Variants in VWA3B observed in about 807,000 individuals in gnomAD.
VWA3B encodes von Willebrand factor A domain containing 3B.
In VWA3B, 138 loss-of-function variants were observed where a neutral mutation model predicts 158.3. The observed-to-expected ratio is 0.87, with a 90% CI of 0.76 to 1.00. VWA3B has a LOEUF of 1.00. Ranked by LOEUF, VWA3B falls within the 50% of genes least tolerant of loss-of-function variation. VWA3B has a pLI of 0.00. For missense variants in VWA3B, 1,555 were observed against 1,565.1 expected, an observed-to-expected ratio of 0.99 and a Z score of 0.11; for synonymous variants, 596 against 587.3, an observed-to-expected ratio of 1.01 and a Z score of -0.21.
intron 5 of VWA3B, among the ~76,000 whole-genome samples, chr2:98,126,308 G>A (rs980342799): frequency 1.3e-5 from 2 of 152,184 alleles, no homozygotes; most frequent in African/African-American, 4.8e-5. Flanking sequence ...TGCATTGGAC[G>A]TGTGTGGTGT....
intron 6 of VWA3B, among the ~76,000 whole-genome samples, chr2:98,130,601 T>C (rs1573852996): frequency 6.6e-6 from 1 of 152,234 alleles, no homozygotes; most frequent in African/African-American, 2.4e-5. Flanking sequence ...TTAACGAGCA[T>C]GCTGCCTTCA....
chr2:98,169,714 TCTG>T (rs1573970433), intron 8 of VWA3B, among the ~76,000 whole-genome samples: 1 of 119,768 alleles, frequency 8.3e-6, no homozygotes, highest in East Asian at 2.2e-4. Flanking sequence ...ACCTGGGCAT[TCTG>T]TGTGTGTGTG....
intron 23 of VWA3B, among the ~76,000 whole-genome samples, chr2:98,295,921 A>C (rs1252664538): frequency 6.6e-6 from 1 of 152,236 alleles, no homozygotes; most frequent in Non-Finnish European, 1.5e-5. Flanking sequence ...CCTCGAGGCC[A>C]GGTTGAAGCC....
rs187031372 is a variant in VWA3B, at chr2:98,092,381, A to G, written c.-32-680A>G. 1.0e-3 allele frequency among the ~76,000 whole-genome samples: 157 copies of G among 152,342 alleles called. 1 individual carries two copies. Among genetic ancestry groups the G allele is most frequent in the Non-Finnish European group, 1.7e-3 (119 of 68,036 alleles). ...AAATTCCAGCTGGGCGCAGTGGCTC[A>G]CGCCTGTAATCCCAACACTTTGGGA... On this transcript the variant is annotated intron_variant, in intron 1 of 27. Coordinates refer to ENST00000477737, the MANE Select transcript of VWA3B (RefSeq NM_144992.5).
In VWA3B at chr2:98,194,409, C is replaced by T. The variant is rs1681856647; in HGVS notation, c.1654C>T (p.Gln552Ter). Residue 552 changes from glutamine to a stop codon, truncating the protein, a stop_gained, in exon 12 of 28, where the codon CAA becomes TAA. Coordinates refer to ENST00000477737, the MANE Select transcript of VWA3B (RefSeq NM_144992.5). LOFTEE classifies it high-confidence loss of function. ...GTTTAACTTTGTGAAGTTTGATGGT[C>T]AAGCAGTTGCTTGGCGGGAACAACT... is the stretch of plus-strand genomic sequence containing the variant. ...SKFNFVKFDG[Q>*]AVAWREQLAE... 6.2e-7 allele frequency: 1 copy of T among 1,614,024 alleles called. No individual in the cohort carries two copies. The highest frequency in any genetic ancestry group is 8.5e-7 in the Non-Finnish European group (1 of 1,179,958).
At chr2:98,322,679 A>T in the VWA3B span, among the ~76,000 whole-genome samples, 2 of 152,236 alleles carry the variant, frequency 1.3e-5, no homozygotes, top group Admixed American at 1.3e-4. Context: ...CTAATGTCTT[A>T]TGGGCTTAAA....
the VWA3B span, among the ~76,000 whole-genome samples, chr2:98,319,548 A>T: frequency 6.6e-6 from 1 of 152,192 alleles, no homozygotes; most frequent in Non-Finnish European, 1.5e-5. Flanking sequence ...ATATGAAAAG[A>T]TGTTTAACTT....
downstream of VWA3B, among the ~76,000 whole-genome samples, chr2:98,316,193 T>G (rs1193895019): frequency 6.6e-6 from 1 of 152,202 alleles, no homozygotes; most frequent in Non-Finnish European, 1.5e-5. Context: ...CCTATAAGCA[T>G]GTTTACAGTA....
intron 13 of VWA3B, chr2:98,216,986 G>GC (rs377332244): frequency 0.035 from 43,714 of 1,265,400 alleles, 1,372 homozygotes; most frequent in African/African-American, 0.11. Context: ...GTAAGCACCC[G>GC]CCCCGCACCC....
At chr2:98,217,356 G>C (rs1684118175) in intron 13 of VWA3B, among the ~76,000 whole-genome samples, 1 of 152,080 alleles carries the variant, frequency 6.6e-6, no homozygotes, top group Non-Finnish European at 1.5e-5. Context: ...CTCAGCTCTG[G>C]GGCTCCTTAA....
chr2:98,193,006 G>A lies in VWA3B; in HGVS notation c.1575G>A (p.Leu525=). 1 of 1,613,998 alleles carries A rather than the reference G, an allele frequency of 6.2e-7. No homozygotes were observed. The highest frequency in any genetic ancestry group is 1.1e-5 in the South Asian group (1 of 91,052). Residue 525 remains leucine, a synonymous_variant, in exon 11 of 28, where the codon TTG becomes TTA. Coordinates refer to ENST00000477737, the MANE Select transcript of VWA3B (RefSeq NM_144992.5). ...TSHSMKSKLD[L]VKDKIIQFIQ... ...ACTCAATGAAGAGCAAACTGGACTT[G>A]GTGAAGGACAAGATCATTCAGTTCA...
chr2:98,204,606 A>C (rs2105495960), intron 12 of VWA3B, among the ~76,000 whole-genome samples: 1 of 152,304 alleles, frequency 6.6e-6, no homozygotes, highest in East Asian at 1.9e-4. Flanking sequence ...TGTTGGATTA[A>C]ATTTGCTAAT....
At position 98,312,504 on chromosome 2, in the gene VWA3B, C is replaced by T; in HGVS notation, c.*155C>T. 1.1e-6 allele frequency: 1 copy of T among 891,804 alleles called. No homozygotes were observed. Among genetic ancestry groups the T allele is most frequent in the African/African-American group, 1.7e-5 (1 of 59,460 alleles). The allele number at this position is 891,804 out of a possible 1,614,324, so 55.2% of individuals were successfully genotyped here. A position where few individuals can be genotyped will look rare whatever the true frequency, so the allele number is the denominator to read the frequency against. The stretch of plus-strand genomic sequence containing the variant: ...CTGTAGCAAAGACTCCTCTCCCCTC[C>T]ATCCCTGCTGCCTCCCCTACCCGTT... On this transcript the variant is annotated 3_prime_UTR_variant, in exon 28 of 28. Transcript: ENST00000477737.
chr2:98,108,516 A>C (rs992598852), intron 2 of VWA3B, among the ~76,000 whole-genome samples: 1 of 152,046 alleles, frequency 6.6e-6, no homozygotes, highest in Non-Finnish European at 1.5e-5. Context: ...TGTTGCAAAT[A>C]TTTTGCAGTT....
intron 12 of VWA3B, among the ~76,000 whole-genome samples, chr2:98,209,132 CT>C (rs1260859653): frequency 6.6e-6 from 1 of 151,888 alleles, no homozygotes; most frequent in Non-Finnish European, 1.5e-5. Context: ...TTCTCTTCAG[CT>C]TTTTTAGGAT....
At chr2:98,148,011 C>T (rs971430808) in intron 7 of VWA3B, among the ~76,000 whole-genome samples, 1 of 152,148 alleles carries the variant, frequency 6.6e-6, no homozygotes, top group African/African-American at 2.4e-5. Flanking sequence ...TTTCCAGCTT[C>T]ATCCATGTCC....
chr2:98,186,167 T>TTC, intron 9 of VWA3B, among the ~76,000 whole-genome samples: 1 of 151,104 alleles, frequency 6.6e-6, no homozygotes. Context: ...AATTTTTTTT[T>TTC]TTTTTTTTTG....
chr2:98,209,902 T>C (rs2105533067), intron 12 of VWA3B, among the ~76,000 whole-genome samples: 1 of 152,336 alleles, frequency 6.6e-6, no homozygotes, highest in East Asian at 1.9e-4. Context: ...TTGCTCTGGC[T>C]TACTTCTGTG....
At chr2:98,189,932 C>G (rs1002372384) in intron 10 of VWA3B, among the ~76,000 whole-genome samples, 2 of 151,950 alleles carry the variant, frequency 1.3e-5, no homozygotes, top group African/African-American at 4.8e-5. Context: ...TTGTCTGCAT[C>G]CTGTATTTAA....
Sources: allele counts gnomAD v4.1 joint callset (sites outside exome capture counted in the v4.1 genomes callset), GRCh38; gene constraint gnomAD v4.1.1; transcripts MANE v1.5; gene names NCBI Gene and HGNC (gene_info 2026-07-23, HGNC 2026-07-21).